The following COL24A1 variants were observed in gnomAD, a reference collection of about 807,000 sequenced individuals.
COL24A1 encodes the protein collagen type XXIV alpha 1 chain, also known as collagen alpha-1(XXIV) chain.
A neutral mutation model predicts 253.9 loss-of-function variants in COL24A1; 224 were observed. That is an observed-to-expected ratio of 0.88 (90% CI 0.79 to 0.99). The LOEUF is 0.99. COL24A1 is among the 50% of genes least tolerant of loss of function. COL24A1 has a pLI of 0.00. For synonymous variants in COL24A1, 685 were observed against 673.7 expected, an observed-to-expected ratio of 1.02 and a Z score of -0.26; for missense variants, 2,131 against 2,068.5, an observed-to-expected ratio of 1.03 and a Z score of -0.59.
chr1:85,842,023 C>A, intron 41 of COL24A1, 45 bp downstream of exon 41: 1 of 1,528,284 alleles, frequency 6.5e-7, no homozygotes, highest in Non-Finnish European at 9.0e-7. Flanking sequence ...AATTCATGAA[C>A]TCAATGTTTA....
intron 19 of COL24A1, among the ~76,000 whole-genome samples, chr1:85,997,055 G>GTGTGTGTGTGTGTGTATATATATA: frequency 6.3e-5 from 6 of 95,082 alleles, no homozygotes; most frequent in Non-Finnish European, 9.8e-5. Context: ...GTGTGTGTGT[G>GTGTGTGTGTGTGTGTATATATATA]TATATATATA....
At chr1:85,747,854 T>A (rs1009530309) in intron 55 of COL24A1, among the ~76,000 whole-genome samples, 1 of 152,226 alleles carries the variant, frequency 6.6e-6, no homozygotes, top group African/African-American at 2.4e-5. Context: ...TGTACTTTTA[T>A]ACTAAAATCC....
At chr1:85,817,966 T>A in intron 46 of COL24A1, 68 bp downstream of exon 46, 1 of 1,360,352 alleles carries the variant, frequency 7.4e-7, no homozygotes, top group Non-Finnish European at 1.0e-6. Context: ...GCCCCAAACT[T>A]TTCTGCTTGC....
chr1:85,798,375 C>T (rs1570659991), intron 47 of COL24A1, among the ~76,000 whole-genome samples: 1 of 151,514 alleles, frequency 6.6e-6, no homozygotes, highest in Non-Finnish European at 1.5e-5. Context: ...AAACAAGCGG[C>T]GGGGTTGGGG....
intron 11 of COL24A1, among the ~76,000 whole-genome samples, chr1:86,047,358 T>C (rs551034786): frequency 6.6e-6 from 1 of 152,292 alleles, no homozygotes; most frequent in African/African-American, 2.4e-5. Context: ...GAGAGATGAA[T>C]CTACAGCCCA....
chr1:86,045,722 C>T (rs142870790), intron 12 of COL24A1: 621 of 318,646 alleles, frequency 1.9e-3, no homozygotes, highest in African/African-American at 9.2e-3. Flanking sequence ...TTAGCTTCTA[C>T]GTTCAATGTA....
At position 85,847,875 on chromosome 1, in the gene COL24A1, A is replaced by G. The variant is rs1011619727; in HGVS notation, c.3355-103T>C. The G allele has an allele frequency of 6.9e-5, 43 of 626,422 alleles. 1 individual carries two copies. In the South Asian group the frequency reaches 9.0e-4, roughly 13 times the overall value. The allele number at this position is 626,422 out of a possible 1,614,324, so 38.8% of individuals were successfully genotyped here. A position where few individuals can be genotyped will look rare whatever the true frequency, so the allele number is the denominator to read the frequency against. ...ATAGCTCCTGAGGATTATCTGGTTA[A>G]CAGTATTACAGATCACTATTAACAA... On this transcript the variant is annotated intron_variant, in intron 38 of 59. Coordinates refer to ENST00000370571, the MANE Select transcript of COL24A1 (RefSeq NM_152890.7).
At chr1:86,070,617 C>G (rs776588406) in intron 7 of COL24A1, among the ~76,000 whole-genome samples, 1 of 152,038 alleles carries the variant, frequency 6.6e-6, no homozygotes, top group South Asian at 2.1e-4. Flanking sequence ...TACTATGGAG[C>G]GGAAATACAT....
intron 12 of COL24A1, among the ~76,000 whole-genome samples, chr1:86,042,398 A>T (rs1023553673): frequency 6.6e-6 from 1 of 152,150 alleles, no homozygotes; most frequent in Non-Finnish European, 1.5e-5. Flanking sequence ...ACAAATATCA[A>T]TTAAATCTAA....
At chr1:85,926,873 C>T (rs551300468) in intron 24 of COL24A1, among the ~76,000 whole-genome samples, 1 of 151,800 alleles carries the variant, frequency 6.6e-6, no homozygotes, top group African/African-American at 2.4e-5. Context: ...CAGGAATGCA[C>T]AAAGAAAGAT....
chr1:86,146,099 TTAAAAGG>T lies in COL24A1; in HGVS notation c.121+13_121+19del. On this transcript the variant is annotated intron_variant, in intron 2 of 59. Coordinates refer to ENST00000370571, the MANE Select transcript of COL24A1 (RefSeq NM_152890.7). The stretch of plus-strand genomic sequence containing the variant: ...TAGAATTTTTAAGTAAGCAAATAAA[TTAAAAGG>T]TAATTTTCTTACCTTGTTCTTGTGC... 1.3e-6 allele frequency: 2 copies of T among 1,592,262 alleles called. No homozygotes were observed. Among genetic ancestry groups the T allele is most frequent in the South Asian group, 2.3e-5 (2 of 88,632 alleles).
intron 1 of COL24A1, 135 bp downstream of exon 1, chr1:86,156,206 C>T (rs1653588356): frequency 1.5e-6 from 1 of 668,622 alleles, no homozygotes; most frequent in Admixed American, 2.6e-5. Context: ...GAAGATACCG[C>T]GGGTACTCGG....
chr1:85,790,512 G>A lies in COL24A1; in HGVS notation c.3952-4051C>T, dbSNP rs575676928. Among the ~76,000 whole-genome samples, 9 of 150,266 alleles carry A rather than the reference G, an allele frequency of 6.0e-5. No individual in the cohort carries two copies. The South Asian group carries it at 1.0e-3, about 18-fold the overall frequency. On this transcript the variant is annotated intron_variant, in intron 47 of 59. Coordinates refer to ENST00000370571, the MANE Select transcript of COL24A1 (RefSeq NM_152890.7). ...TTTCAAAAGACCAACTCCTGGATTC[G>A]TTGATTTTTTGAAGGGATTTTGTGT... is the stretch of plus-strand genomic sequence containing the variant.
At chr1:86,045,303 T>C (rs1699813932) in intron 12 of COL24A1, among the ~76,000 whole-genome samples, 1 of 152,200 alleles carries the variant, frequency 6.6e-6, no homozygotes, top group Non-Finnish European at 1.5e-5. Context: ...AGACTGTACC[T>C]ACTTAGTAAA....
At chr1:86,072,089 G>A (rs1701918633) in intron 7 of COL24A1, among the ~76,000 whole-genome samples, 1 of 152,192 alleles carries the variant, frequency 6.6e-6, no homozygotes, top group Admixed American at 6.5e-5. Flanking sequence ...GCGGCCATTT[G>A]GGGAGACAAC....
intron 20 of COL24A1, among the ~76,000 whole-genome samples, chr1:85,973,190 CT>C (rs1489173896): frequency 2.0e-5 from 3 of 152,174 alleles, no homozygotes; most frequent in Non-Finnish European, 4.4e-5. Context: ...TGTTTAATCA[CT>C]TAATTCATCT....
At chr1:85,747,101 CTTTTTTTT>C (rs34758363) in intron 55 of COL24A1, among the ~76,000 whole-genome samples, 3 of 111,276 alleles carry the variant, frequency 2.7e-5, no homozygotes, top group East Asian at 2.7e-4. Context: ...TGAATTATAA[CTTTTTTTT>C]TTTTTTTTTT....
At chr1:86,025,442 T>C (rs1697939252) in intron 14 of COL24A1, among the ~76,000 whole-genome samples, 1 of 152,256 alleles carries the variant, frequency 6.6e-6, no homozygotes, top group Middle Eastern at 3.4e-3. Context: ...TGGTATACTG[T>C]AGAAAGGACT....
chr1:85,729,915 T>A lies in COL24A1; in HGVS notation c.*631A>T, dbSNP rs1016500014. On this transcript the variant is annotated 3_prime_UTR_variant, in exon 60 of 60. Coordinates refer to ENST00000370571, the MANE Select transcript of COL24A1 (RefSeq NM_152890.7). ...TGACCAAACAAATTAAAATAAGTAC[T>A]AACAACCAAAACATATCTTGATGTA... The A allele has an allele frequency of 6.6e-6, 1 of 152,528 alleles. No homozygotes were observed. Among genetic ancestry groups the A allele is most frequent in the Non-Finnish European group, 1.5e-5 (1 of 68,012 alleles). The allele number at this position is 152,528 out of a possible 1,614,324, so 9.4% of individuals were successfully genotyped here. A position where few individuals can be genotyped will look rare whatever the true frequency, so the allele number is the denominator to read the frequency against.
Sources: gnomAD v4.1 joint callset for allele counts (sites outside exome capture counted in the v4.1 genomes callset) on GRCh38, gnomAD v4.1.1 for gene constraint, MANE v1.5 for transcripts, NCBI Gene and HGNC (gene_info 2026-07-23, HGNC 2026-07-21) for gene names.